MBNL2: variants seen among roughly 807,000 people sequenced by gnomAD.
MBNL2 encodes the protein muscleblind-like protein 2.
A neutral mutation model predicts 41.9 loss-of-function variants in MBNL2; 17 were observed. The observed-to-expected ratio is 0.41, with a 90% CI of 0.28 to 0.61. The LOEUF (loss-of-function observed/expected upper bound fraction) is 0.61, where lower values mean the gene tolerates loss of function less well. MBNL2 is among the 20% of genes least tolerant of loss of function. The pLI is 0.35. For missense variants in MBNL2, 336 were observed against 505.6 expected, an observed-to-expected ratio of 0.66 and a Z score of 3.22; for synonymous variants, 195 against 182.9, an observed-to-expected ratio of 1.07 and a Z score of -0.53.
chr13:97,270,656 G>T (rs1359060660), intron 1 of MBNL2, among the ~76,000 whole-genome samples: 1 of 152,168 alleles, frequency 6.6e-6, no homozygotes, highest in African/African-American at 2.4e-5. Flanking sequence ...ATATGTTGCT[G>T]GTGATTTCTG....
chr13:97,232,321 G>A (rs1276832786), intron 1 of MBNL2, among the ~76,000 whole-genome samples: 1 of 152,058 alleles, frequency 6.6e-6, no homozygotes, highest in African/African-American at 2.4e-5. Context: ...CTACCCAGAT[G>A]CTCATTTAGT....
chr13:97,247,125 T>A (rs1477642879), intron 1 of MBNL2, among the ~76,000 whole-genome samples: 1 of 152,176 alleles, frequency 6.6e-6, no homozygotes, highest in African/African-American at 2.4e-5. Context: ...CATACACAAT[T>A]CTATGTAAAT....
At chr13:97,167,902 A>G in the MBNL2 span, among the ~76,000 whole-genome samples, 1 of 152,224 alleles carries the variant, frequency 6.6e-6, no homozygotes, top group East Asian at 1.9e-4. Flanking sequence ...ATATATTGTC[A>G]CATCAACACA....
intron 1 of MBNL2, among the ~76,000 whole-genome samples, chr13:97,269,897 G>A (rs1427279633): frequency 6.6e-6 from 1 of 152,212 alleles, no homozygotes; most frequent in Non-Finnish European, 1.5e-5. Flanking sequence ...AGAGAGAGAG[G>A]AAGCCTGAAA....
At chr13:97,165,992 A>G in the MBNL2 span, among the ~76,000 whole-genome samples, 2 of 152,180 alleles carry the variant, frequency 1.3e-5, no homozygotes, top group African/African-American at 4.8e-5. Flanking sequence ...GCTACTGTTT[A>G]TCAAGGTTTT....
At chr13:97,290,492 A>C (rs1028918866) in intron 2 of MBNL2, among the ~76,000 whole-genome samples, 2 of 151,884 alleles carry the variant, frequency 1.3e-5, no homozygotes, top group Admixed American at 6.6e-5. Context: ...CTGGCTAACA[A>C]GGTGAAACCC....
At chr13:97,222,044 G>T (rs993475505), upstream of MBNL2, among the ~76,000 whole-genome samples, 1 of 152,146 alleles carries the variant, frequency 6.6e-6, no homozygotes, top group Non-Finnish European at 1.5e-5. Flanking sequence ...TCCTGGCTTC[G>T]AGCTGGCTGT....
chr13:97,391,063 A>G (rs150755309), intron 8 of MBNL2, among the ~76,000 whole-genome samples: 3 of 152,272 alleles, frequency 2.0e-5, no homozygotes, highest in African/African-American at 7.2e-5. Context: ...ATGCCTCTCT[A>G]TATGCTGCCA....
chr13:97,194,799 A>G, the MBNL2 span, among the ~76,000 whole-genome samples: 1 of 152,192 alleles, frequency 6.6e-6, no homozygotes, highest in African/African-American at 2.4e-5. Context: ...AGATGCTCCC[A>G]CCAGCGCCAT....
intron 8 of MBNL2, among the ~76,000 whole-genome samples, chr13:97,388,682 TGACAGGCCCTCA>T (rs2066138789): frequency 6.6e-6 from 1 of 152,164 alleles, no homozygotes; most frequent in African/African-American, 2.4e-5. Flanking sequence ...GCTAGTGATA[TGACAGGCCCTCA>T]GTTGATAACT....
intron 2 of MBNL2, among the ~76,000 whole-genome samples, chr13:97,309,705 G>T (rs1037096734): frequency 6.6e-6 from 1 of 152,234 alleles, no homozygotes; most frequent in African/African-American, 2.4e-5. Context: ...GGGCCTCTCA[G>T]AGGATGGTAG....
At chr13:97,273,978 T>C (rs2051635692) in intron 1 of MBNL2, among the ~76,000 whole-genome samples, 1 of 152,030 alleles carries the variant, frequency 6.6e-6, no homozygotes, top group African/African-American at 2.4e-5. Context: ...GGAGAATCAC[T>C]TGAACTCAGG....
At chr13:97,291,223 T>C (rs971602444) in intron 2 of MBNL2, among the ~76,000 whole-genome samples, 1 of 151,934 alleles carries the variant, frequency 6.6e-6, no homozygotes, top group Non-Finnish European at 1.5e-5. Flanking sequence ...ATTTACAATA[T>C]GTTTTGAGGT....
chr13:97,181,967 C>T, the MBNL2 span, among the ~76,000 whole-genome samples: 23 of 152,286 alleles, frequency 1.5e-4, no homozygotes, highest in African/African-American at 5.1e-4. Flanking sequence ...CGTAGTACTT[C>T]CTTGTAACCT....
intron 2 of MBNL2, among the ~76,000 whole-genome samples, chr13:97,301,977 C>T (rs1452101206): frequency 6.6e-6 from 1 of 152,180 alleles, no homozygotes; most frequent in Non-Finnish European, 1.5e-5. Context: ...TTGCTCAGCT[C>T]TTCATGAGGT....
chr13:97,390,899 A>G (rs1194751450), intron 8 of MBNL2, among the ~76,000 whole-genome samples: 1 of 152,174 alleles, frequency 6.6e-6, no homozygotes, highest in Non-Finnish European at 1.5e-5. Flanking sequence ...TGAAATATTT[A>G]TATTTAAGCC....
At chr13:97,149,943 C>T in the MBNL2 span, among the ~76,000 whole-genome samples, 473 of 152,286 alleles carry the variant, frequency 3.1e-3, 5 homozygotes, top group South Asian at 0.014. Context: ...TAAAACACCC[C>T]CCTATATCAC....
At chr13:97,289,698 C>T (rs1566395324) in intron 2 of MBNL2, among the ~76,000 whole-genome samples, 1 of 152,140 alleles carries the variant, frequency 6.6e-6, no homozygotes, top group Non-Finnish European at 1.5e-5. Flanking sequence ...AAAGGAGAGG[C>T]GAGGACCTTG....
At chr13:97,178,370 CAAAT>C in the MBNL2 span, among the ~76,000 whole-genome samples, 35 of 151,358 alleles carry the variant, frequency 2.3e-4, no homozygotes, top group South Asian at 6.2e-4. Context: ...AATGAAAAAA[CAAAT>C]AAGCTGTACA....
Sources: allele counts gnomAD v4.1 joint callset (sites outside exome capture counted in the v4.1 genomes callset), GRCh38; gene constraint gnomAD v4.1.1; transcripts MANE v1.5; gene names NCBI Gene and HGNC (gene_info 2026-07-23, HGNC 2026-07-21).